The following SCAF1 variants were observed in gnomAD, a reference collection of about 807,000 sequenced individuals.
SCAF1 encodes splicing factor, arginine/serine-rich 19.
Under a neutral mutation model 91.2 loss-of-function variants are expected in SCAF1, and 28 were observed. The ratio of observed to expected loss-of-function variants is 0.31; its 90% CI spans 0.23 to 0.42. The LOEUF (loss-of-function observed/expected upper bound fraction) is 0.42, where lower values mean the gene tolerates loss of function less well. SCAF1 is among the 10% of genes least tolerant of loss of function. SCAF1 has a pLI of 1.00. For missense variants in SCAF1, 1,893 were observed against 1,872.1 expected, an observed-to-expected ratio of 1.01 and a Z score of -0.21; for synonymous variants, 1,036 against 833.7, an observed-to-expected ratio of 1.24 and a Z score of -4.18.
chr19:49,656,024 A>G lies in SCAF1; in HGVS notation c.3618+1154A>G, dbSNP rs572680093. On this transcript the variant is annotated intron_variant, in intron 9 of 10. Transcript: ENST00000360565. ...CCATAGCCAGACGGTGACGTTGGCC[A>G]CCCTTACACAGCTGTGTACCGTGCC... is the stretch of plus-strand genomic sequence containing the variant. Among the ~76,000 whole-genome samples, 15 of 152,326 alleles carry G rather than the reference A, an allele frequency of 9.8e-5. 1 individual carries two copies. The South Asian group carries it at 3.1e-3, about 32-fold the overall frequency.
rs750633671 is a variant in SCAF1 at position 49,652,337 on chromosome 19, C to G, written c.1948C>G (p.Arg650Gly). The G allele has an allele frequency of 6.5e-7, 1 of 1,536,858 alleles. No homozygotes were observed. Among genetic ancestry groups the G allele is most frequent in the South Asian group, 1.2e-5 (1 of 83,324 alleles). Reference protein sequence around the residue: ...SKKKKKRSRSRGEKRSGDGSE... With the variant: ...SKKKKKRSRSGGEKRSGDGSE... ...GAAGAAGAAGAAGCGGTCGCGGTCCCGGGGTGAGAAGCGGTCTGGGGATGG... is the reference window on the plus strand; with the variant it reads ...GAAGAAGAAGAAGCGGTCGCGGTCCGGGGGTGAGAAGCGGTCTGGGGATGG... The change falls in exon 7 of 11, where the codon CGG becomes GGG. Residue 650 changes from arginine (R) to glycine (G), a missense_variant. Arg to Gly is a moderately radical substitution (Grantham distance 125). Around this residue, in one of 5 missense-constraint regions of SCAF1, gnomAD observed 1,436 missense variants for 1,306.8 expected, o/e 1.10. Coordinates refer to ENST00000360565, the MANE Select transcript of SCAF1 (RefSeq NM_021228.3).
Position 49,646,504 on chromosome 19 carries a change from G to A in SCAF1, c.262-22G>A. 1 of 1,605,732 alleles carries A rather than the reference G, an allele frequency of 6.2e-7. No homozygotes were observed. The highest frequency in any genetic ancestry group is 8.5e-7 in the Non-Finnish European group (1 of 1,172,562). ...TCTTCATGTGACCAGGGACGGCGTA[G>A]AGCCTCTCTGGCCTCTTCCAGGTGT... On this transcript the variant is annotated intron_variant, in intron 4 of 10. Transcript: ENST00000360565. The surrounding 1 kb of genome is among the most constrained non-coding windows in gnomAD (Gnocchi z 5.6).
chr19:49,652,894 C>G lies in SCAF1; in HGVS notation c.2505C>G (p.Ser835=). The G allele has an allele frequency of 6.2e-7, 1 of 1,613,978 alleles. No individual in the cohort carries two copies. Among genetic ancestry groups the G allele is most frequent in the Non-Finnish European group, 8.5e-7 (1 of 1,179,990 alleles). The change falls in exon 7 of 11, where the codon TCC becomes TCG. Residue 835 remains serine (S), a synonymous_variant. Coordinates refer to ENST00000360565, the MANE Select transcript of SCAF1 (RefSeq NM_021228.3). The part of the protein sequence containing the change: ...SCSSRKVKLQ[S]KVAVLIREGV... Reference sequence around the variant, plus strand: ...CTTCCCGGAAGGTGAAGCTGCAGTCCAAGGTGGCGGTGCTGATCCGCGAGG... The same window carrying G: ...CTTCCCGGAAGGTGAAGCTGCAGTCGAAGGTGGCGGTGCTGATCCGCGAGG...
At position 49,653,192 on chromosome 19, in the gene SCAF1, G is replaced by A. The variant is rs777625228; in HGVS notation, c.2803G>A (p.Gly935Ser). 3.2e-5 allele frequency: 50 copies of A among 1,560,454 alleles called. No homozygotes were observed. Among genetic ancestry groups the A allele is most frequent in the Non-Finnish European group, 3.9e-5 (45 of 1,154,198 alleles). The change falls in exon 7 of 11, where the codon GGC (glycine) becomes AGC (serine). Residue 935 changes from glycine (G) to serine (S), a missense_variant. Coordinates refer to ENST00000360565, the MANE Select transcript of SCAF1 (RefSeq NM_021228.3). ...KKVRSGGGSGGSGGQVSLKKS... is the reference protein window; with the variant it reads ...KKVRSGGGSGSSGGQVSLKKS... ...GGTCCGCAGTGGAGGTGGCAGCGGG[G>A]GCAGTGGTGGCCAGGTGTCGCTGAA...
At chr19:49,654,148 C>T (rs1342182313) in intron 7 of SCAF1, among the ~76,000 whole-genome samples, 1 of 152,204 alleles carries the variant, frequency 6.6e-6, no homozygotes, top group African/African-American at 2.4e-5. Flanking sequence ...CGCACCCACA[C>T]ACCTGGAGTC....
chr19:49,650,398 C>T (rs765955490), intron 6 of SCAF1, among the ~76,000 whole-genome samples: 7 of 152,312 alleles, frequency 4.6e-5, no homozygotes, highest in Non-Finnish European at 1.0e-4. Flanking sequence ...AGCTCTCCCC[C>T]TGCAGCCTGT....
In SCAF1 at chr19:49,646,562, C is replaced by T. The variant is rs778786079; in HGVS notation, c.298C>T (p.Leu100=). Residue 100 remains leucine (L), a synonymous_variant, in exon 5 of 11, where the codon CTG becomes TTG. Coordinates refer to ENST00000360565, the MANE Select transcript of SCAF1 (RefSeq NM_021228.3). This position sits in a 1 kb window ranked among gnomAD's most constrained non-coding sequence, Gnocchi z 5.6. The part of the protein sequence containing the change: ...DMATDSFLAG[L]VSVLDPPDTW... Reference sequence around the variant, plus strand: ...GGCCACGGACAGCTTCCTCGCAGGGCTGGTGAGTGTCCTGGATCCCCCGGA... The same window carrying T: ...GGCCACGGACAGCTTCCTCGCAGGGTTGGTGAGTGTCCTGGATCCCCCGGA... 5 of 1,614,114 alleles carry T rather than the reference C, an allele frequency of 3.1e-6. No homozygotes were observed. The East Asian group carries it at 6.7e-5, about 22-fold the overall frequency.
At chr19:49,649,698 T>C (rs898275561) in intron 6 of SCAF1, among the ~76,000 whole-genome samples, 1 of 151,972 alleles carries the variant, frequency 6.6e-6, no homozygotes, top group African/African-American at 2.4e-5. Context: ...TTTCTCCATG[T>C]TGGTCAGGCT....
Position 49,652,026 on chromosome 19 carries a change from C to G in SCAF1, c.1637C>G (p.Pro546Arg). 2 of 1,220,932 alleles carry G rather than the reference C, an allele frequency of 1.6e-6. No individual in the cohort carries two copies. Among genetic ancestry groups the G allele is most frequent in the Non-Finnish European group, 1.0e-6 (1 of 969,406 alleles). The allele number at this position is 1,220,932 out of a possible 1,614,324, so 75.6% of individuals were successfully genotyped here. A position where few individuals can be genotyped will look rare whatever the true frequency, so the allele number is the denominator to read the frequency against. ...GGCACCCAGCCAGCGCCGCCCGCCCCGGCCTCGCCCTGGGACTCCAAGAAG... is the reference window on the plus strand; with the variant it reads ...GGCACCCAGCCAGCGCCGCCCGCCCGGGCCTCGCCCTGGGACTCCAAGAAG... ...SSGTQPAPPA[P>R]ASPWDSKKHR... Residue 546 changes from proline to arginine, a missense_variant, in exon 7 of 11, where the codon CCG becomes CGG. By Grantham distance (103) the Pro-to-Arg change is moderately radical. This residue lies in a region of SCAF1 where 1,436 missense variants were observed against 1,306.8 expected (regional missense o/e 1.10). Coordinates refer to ENST00000360565, the MANE Select transcript of SCAF1 (RefSeq NM_021228.3).
intron 9 of SCAF1, among the ~76,000 whole-genome samples, chr19:49,655,141 G>A (rs970058769): frequency 6.6e-6 from 1 of 152,150 alleles, no homozygotes; most frequent in Non-Finnish European, 1.5e-5. Context: ...GAGATGCCCC[G>A]CGCTGCAGCC....
chr19:49,652,076 G>T lies in SCAF1; in HGVS notation c.1687G>T (p.Gly563Cys), dbSNP rs1242304229. Residue 563 changes from glycine (G) to cysteine (C), a missense_variant, in exon 7 of 11, where the codon GGC (glycine) becomes TGC (cysteine). This residue lies in a region of SCAF1 where 1,436 missense variants were observed against 1,306.8 expected (regional missense o/e 1.10). Transcript: ENST00000360565. ...KKHRSRDRKPGSHASSSARRR... is the reference protein window; with the variant it reads ...KKHRSRDRKPCSHASSSARRR... The stretch of plus-strand genomic sequence containing the variant: ...GCACCGCTCGCGGGACCGCAAGCCC[G>T]GCTCCCACGCCTCGTCGTCCGCCCG... The T allele has an allele frequency of 7.5e-6, 9 of 1,203,454 alleles. No individual in the cohort carries two copies. Among genetic ancestry groups the T allele is most frequent in the Non-Finnish European group, 8.4e-6 (8 of 956,468 alleles). The allele number at this position is 1,203,454 out of a possible 1,614,324, so 74.5% of individuals were successfully genotyped here. A position where few individuals can be genotyped will look rare whatever the true frequency, so the allele number is the denominator to read the frequency against.
chr19:49,652,316 A>G lies in SCAF1; in HGVS notation c.1927A>G (p.Lys643Glu). 6.5e-7 allele frequency: 1 copy of G among 1,533,858 alleles called. No homozygotes were observed. Among genetic ancestry groups the G allele is most frequent in the Non-Finnish European group, 8.7e-7 (1 of 1,143,062 alleles). The change falls in exon 7 of 11, where the codon AAG becomes GAG. Residue 643 changes from lysine to glutamate, a missense_variant. Lys to Glu is a moderately conservative substitution (Grantham distance 56). Around this residue, in one of 5 missense-constraint regions of SCAF1, gnomAD observed 1,436 missense variants for 1,306.8 expected, o/e 1.10. Coordinates refer to ENST00000360565, the MANE Select transcript of SCAF1 (RefSeq NM_021228.3). ...KHRDGGGSKK[K>E]KKRSRSRGEK... ...CCGGGACGGTGGCGGCAGCAAGAAG[A>G]AGAAGAAGCGGTCGCGGTCCCGGGG...
Position 49,652,363 on chromosome 19 carries a change from C to A in SCAF1, c.1974C>A (p.Gly658=). 1 of 1,536,112 alleles carries A rather than the reference C, an allele frequency of 6.5e-7. No individual in the cohort carries two copies. The part of the protein sequence containing the change: ...RSRGEKRSGD[G]SEKAPAPAPP... ...GGGGTGAGAAGCGGTCTGGGGATGGCAGCGAGAAGGCCCCGGCGCCCGCCC... is the reference window on the plus strand; with the variant it reads ...GGGGTGAGAAGCGGTCTGGGGATGGAAGCGAGAAGGCCCCGGCGCCCGCCC... The change falls in exon 7 of 11, where the codon GGC becomes GGA. Residue 658 remains glycine, a synonymous_variant. Coordinates refer to ENST00000360565, the MANE Select transcript of SCAF1 (RefSeq NM_021228.3).
rs1189848603 is a variant in SCAF1, at chr19:49,652,306, C to T, written c.1917C>T (p.Gly639=). The stretch of plus-strand genomic sequence containing the variant: ...GCGGGAAACACCGGGACGGTGGCGG[C>T]AGCAAGAAGAAGAAGAAGCGGTCGC... ...RHRGKHRDGG[G]SKKKKKRSRS... Residue 639 remains glycine, a synonymous_variant, in exon 7 of 11, where the codon GGC becomes GGT. Coordinates refer to ENST00000360565, the MANE Select transcript of SCAF1 (RefSeq NM_021228.3). 5 of 1,531,834 alleles carry T rather than the reference C, an allele frequency of 3.3e-6. No homozygotes were observed. The East Asian group carries it at 1.0e-4, about 31-fold the overall frequency. The allele number at this position is 1,531,834 out of a possible 1,614,324, so 94.9% of individuals were successfully genotyped here. A position where few individuals can be genotyped will look rare whatever the true frequency, so the allele number is the denominator to read the frequency against.
rs2081030433 is a variant in SCAF1 at position 49,642,225 on chromosome 19, C to T, written c.-24C>T. 1.3e-5 allele frequency: 2 copies of T among 152,296 alleles called. No individual in the cohort carries two copies. Among genetic ancestry groups the T allele is most frequent in the South Asian group, 2.1e-4 (1 of 4,830 alleles). The allele number at this position is 152,296 out of a possible 1,614,324, so 9.4% of individuals were successfully genotyped here. ...CCCCGCCCCGCGCCGGGGCCGGAGC[C>T]GCAGCCCGAGCGGCGGGGTAAGATG... is the stretch of plus-strand genomic sequence containing the variant. On this transcript the variant is annotated 5_prime_UTR_variant, in exon 1 of 11. Coordinates refer to ENST00000360565, the MANE Select transcript of SCAF1 (RefSeq NM_021228.3). The surrounding 1 kb of genome is among the most constrained non-coding windows in gnomAD (Gnocchi z 4.0).
rs1277982439 is a variant in SCAF1, at chr19:49,653,318, C to T, written c.2929C>T (p.Pro977Ser). Residue 977 changes from proline to serine, a missense_variant, in exon 7 of 11, where the codon CCG becomes TCG. By Grantham distance (74) the Pro-to-Ser change is moderately conservative. Transcript: ENST00000360565. Reference protein sequence around the residue: ...EERAAKVPSTPPPKAAPPPPA... With the variant: ...EERAAKVPSTSPPKAAPPPPA... Reference sequence around the variant, plus strand: ...GCGGGCAGCCAAGGTTCCTAGCACCCCGCCCCCCAAGGCAGCCCCACCACC... The same window carrying T: ...GCGGGCAGCCAAGGTTCCTAGCACCTCGCCCCCCAAGGCAGCCCCACCACC... 6.1e-6 allele frequency: 9 copies of T among 1,467,170 alleles called. No homozygotes were observed. The highest frequency in any genetic ancestry group is 1.4e-5 in the African/African-American group (1 of 70,336). 90.9% of individuals were successfully genotyped at this position (1,467,170 alleles called of 1,614,324 possible).
chr19:49,642,291 T>G lies in SCAF1; in HGVS notation c.-7+49T>G, dbSNP rs2081030972. The G allele has an allele frequency of 6.6e-6, 1 of 150,420 alleles. No individual in the cohort carries two copies. Among genetic ancestry groups the G allele is most frequent in the African/African-American group, 2.5e-5 (1 of 40,680 alleles). 9.3% of individuals were successfully genotyped at this position (150,420 alleles called of 1,614,324 possible). A position where few individuals can be genotyped will look rare whatever the true frequency, so the allele number is the denominator to read the frequency against. On this transcript the variant is annotated intron_variant, in intron 1 of 10. Coordinates refer to ENST00000360565, the MANE Select transcript of SCAF1 (RefSeq NM_021228.3). This position sits in a 1 kb window ranked among gnomAD's most constrained non-coding sequence, Gnocchi z 4.0. ...GCCGCGGGGCTCGGGCCTATTGGGG[T>G]GGGCGGGGCGGAGTTGGGTCGCTAG... is the stretch of plus-strand genomic sequence containing the variant.
Position 49,646,168 on chromosome 19 carries a change from G to T in SCAF1, c.227G>T (p.Arg76Leu). 6.2e-7 allele frequency: 1 copy of T among 1,610,760 alleles called. No homozygotes were observed. The highest frequency in any genetic ancestry group is 8.5e-7 in the Non-Finnish European group (1 of 1,179,864). The change falls in exon 4 of 11, where the codon CGT becomes CTT. Residue 76 changes from arginine to leucine, a missense_variant. Physicochemically the swap from Arg to Leu is moderately radical, Grantham distance 102. Transcript: ENST00000360565. The surrounding 1 kb of genome is among the most constrained non-coding windows in gnomAD (Gnocchi z 5.6). Reference sequence around the variant, plus strand: ...TGCCGGAGTCCACGGTCAGAGCCCCGTTCCCAGGAATCAGGGGGCACTGAC... The same window carrying T: ...TGCCGGAGTCCACGGTCAGAGCCCCTTTCCCAGGAATCAGGGGGCACTGAC... ...RRCRSPRSEPRSQESGGTDTA... is the reference protein window; with the variant it reads ...RRCRSPRSEPLSQESGGTDTA...
At chr19:49,655,078 T>C (rs999341831) in intron 9 of SCAF1, among the ~76,000 whole-genome samples, 1 of 152,158 alleles carries the variant, frequency 6.6e-6, no homozygotes, top group Non-Finnish European at 1.5e-5. Flanking sequence ...GAAAATCGCG[T>C]CTGTGCGTGT....
Sources: gnomAD v4.1 joint callset for allele counts (sites outside exome capture counted in the v4.1 genomes callset) on GRCh38, gnomAD v4.1.1 for gene constraint, gnomAD v4.1.1 regional missense constraint, Gnocchi (gnomAD v3.1) non-coding constraint, MANE v1.5 for transcripts, NCBI Gene and HGNC (gene_info 2026-07-23, HGNC 2026-07-21) for gene names.